Variants in NPHP3 observed in about 807,000 individuals in gnomAD.
The protein encoded by NPHP3 is nephrocystin 3.
In NPHP3, 123 loss-of-function variants were observed where a neutral mutation model predicts 171.9. That is an observed-to-expected ratio of 0.72 (90% CI 0.62 to 0.83). The LOEUF (loss-of-function observed/expected upper bound fraction) is 0.83. Ranked by LOEUF, NPHP3 falls within the 40% of genes least tolerant of loss-of-function variation. The pLI is 0.00. For synonymous variants in NPHP3, 558 were observed against 579.2 expected (o/e 0.96, Z 0.52); for missense variants, 1,506 against 1,591.9 (o/e 0.95, Z 0.92).
intron 10 of NPHP3, among the ~76,000 whole-genome samples, chr3:132,700,942 C>G (rs1939590566): frequency 6.6e-6 from 1 of 151,964 alleles, no homozygotes; most frequent in Non-Finnish European, 1.5e-5. Flanking sequence ...TTATATGAAC[C>G]TTAGTCCATA....
intron 17 of NPHP3, among the ~76,000 whole-genome samples, chr3:132,691,884 T>C (rs1310620064): frequency 7.9e-5 from 12 of 152,196 alleles, no homozygotes; most frequent in Admixed American, 7.2e-4. Context: ...CAAGTTTAGA[T>C]AGGCATTAAT....
At position 132,719,128 on chromosome 3, in the gene NPHP3, T is replaced by C; in HGVS notation, c.536A>G (p.Lys179Arg). 2 of 1,611,450 alleles carry C rather than the reference T, an allele frequency of 1.2e-6. No individual in the cohort carries two copies. Among genetic ancestry groups the C allele is most frequent in the Non-Finnish European group, 1.7e-6 (2 of 1,178,950 alleles). ...KRQFKIFRET[K>R]ENEIQDLLRA... ...CAGTAAGTCCTGAATTTCATTTTCT[T>C]TGGTCTCCCTAAAAATCTTTAAAAA... Residue 179 changes from lysine to arginine, a missense_variant, in exon 3 of 27, where the codon AAA becomes AGA. Lys to Arg is a conservative substitution (Grantham distance 26). This residue lies in a region of NPHP3 where 930 missense variants were observed against 924.9 expected (regional missense o/e 1.01). Coordinates refer to ENST00000337331, the MANE Select transcript of NPHP3 (RefSeq NM_153240.5).
At position 132,719,850 on chromosome 3, in the gene NPHP3, T is replaced by C. The variant is rs1300168539; in HGVS notation, c.394-20A>G. 11 of 1,543,366 alleles carry C rather than the reference T, an allele frequency of 7.1e-6. No homozygotes were observed. The highest frequency in any genetic ancestry group is 1.4e-5 in the African/African-American group (1 of 73,666). On this transcript the variant is annotated intron_variant, in intron 1 of 26. Coordinates refer to ENST00000337331, the MANE Select transcript of NPHP3 (RefSeq NM_153240.5). ...AAGTGCCTAGAATAATTTACCTTGT[T>C]ATTTCCTAACAAAAATAGTCTTGCT...
intron 9 of NPHP3, among the ~76,000 whole-genome samples, chr3:132,703,157 G>A (rs148309729): frequency 1.3e-5 from 2 of 152,334 alleles, no homozygotes; most frequent in East Asian, 3.9e-4. Flanking sequence ...TACCTATGAG[G>A]TAGGTACTAT....
chr3:132,681,014 A>G lies in NPHP3; in HGVS notation c.*896T>C, dbSNP rs988363953. 6.6e-6 allele frequency: 1 copy of G among 152,230 alleles called. No homozygotes were observed. Among genetic ancestry groups the G allele is most frequent in the African/African-American group, 2.4e-5 (1 of 41,470 alleles). 9.4% of individuals were successfully genotyped at this position (152,230 alleles called of 1,614,324 possible). A position where few individuals can be genotyped will look rare whatever the true frequency, so the allele number is the denominator to read the frequency against. On this transcript the variant is annotated 3_prime_UTR_variant, in exon 27 of 27. Coordinates refer to ENST00000337331, the MANE Select transcript of NPHP3 (RefSeq NM_153240.5). The stretch of plus-strand genomic sequence containing the variant: ...AAATAATACACAATGTAGACAGAAC[A>G]GAAAGCAGAGGGACTGGACCAATCT...
rs759490137 is a variant in NPHP3 at position 132,713,266 on chromosome 3, C to T, written c.978G>A (p.Lys326=). 8 of 1,601,640 alleles carry T rather than the reference C, an allele frequency of 5.0e-6. No individual in the cohort carries two copies. The change falls in exon 6 of 27, where the codon AAG becomes AAA. Residue 326 remains lysine (K), a synonymous_variant. Transcript: ENST00000337331. The stretch of plus-strand genomic sequence containing the variant: ...AATATCCCATTGTCTCGCACATTCT[C>T]TTAAGTTTAGGTGAATAGTCCTAAA... ...LFLKDYSPKL[K]RMCETMGYFF...
intron 6 of NPHP3, among the ~76,000 whole-genome samples, chr3:132,711,746 A>C (rs1165094123): frequency 6.6e-6 from 1 of 152,224 alleles, no homozygotes; most frequent in African/African-American, 2.4e-5. Context: ...ATAAGATAAG[A>C]TATATCCTTA....
intron 1 of NPHP3, chr3:132,721,482 T>C: frequency 5.1e-6 from 1 of 196,010 alleles, no homozygotes; most frequent in Non-Finnish European, 1.1e-5. Context: ...GGGAGGGGGG[T>C]GAAACTCCTA....
intron 6 of NPHP3, among the ~76,000 whole-genome samples, chr3:132,710,669 G>A (rs929238217): frequency 1.3e-5 from 2 of 151,974 alleles, no homozygotes; most frequent in East Asian, 3.9e-4. Flanking sequence ...AGCCTCTCCC[G>A]GACTCACCCT....
intron 7 of NPHP3, among the ~76,000 whole-genome samples, chr3:132,706,895 T>C (rs888394708): frequency 2.6e-5 from 4 of 152,212 alleles, no homozygotes; most frequent in Non-Finnish European, 5.9e-5. Flanking sequence ...CTGGAAATTA[T>C]AATAAAAATG....
At chr3:132,704,089 G>T in intron 9 of NPHP3, 109 bp downstream of exon 9, 1 of 1,100,144 alleles carries the variant, frequency 9.1e-7, no homozygotes, top group South Asian at 1.3e-5. Flanking sequence ...CATGAGATTA[G>T]ACAACTAATA....
intron 1 of NPHP3, among the ~76,000 whole-genome samples, chr3:132,720,680 C>A (rs1366768857): frequency 6.6e-6 from 1 of 152,078 alleles, no homozygotes; most frequent in Non-Finnish European, 1.5e-5. Context: ...ACAACAACAA[C>A]AAAACCTGAC....
Position 132,681,477 on chromosome 3 carries a change from A to T in NPHP3, c.*433T>A, listed in dbSNP as rs146004671. On this transcript the variant is annotated 3_prime_UTR_variant, in exon 27 of 27. Transcript: ENST00000337331. ...GAGACAGGGTTTCACCATGTTGGCC[A>T]GGCTGGTCTCCAACTCCTGGCCTCA... is the stretch of plus-strand genomic sequence containing the variant. 1.5e-4 allele frequency: 29 copies of T among 198,304 alleles called. No homozygotes were observed. In the East Asian group the frequency reaches 3.9e-3, roughly 26 times the overall value. The allele number at this position is 198,304 out of a possible 1,614,324, so 12.3% of individuals were successfully genotyped here.
intron 17 of NPHP3, among the ~76,000 whole-genome samples, chr3:132,692,108 AC>A (rs1939314409): frequency 6.6e-6 from 1 of 152,210 alleles, no homozygotes; most frequent in African/African-American, 2.4e-5. Flanking sequence ...ACAAATACTT[AC>A]AGTTACACAC....
intron 18 of NPHP3, among the ~76,000 whole-genome samples, chr3:132,690,908 G>A (rs1939283630): frequency 1.3e-5 from 2 of 151,730 alleles, no homozygotes; most frequent in African/African-American, 4.8e-5. Context: ...ACACTCAATG[G>A]ACCCGTATAT....
In NPHP3 at chr3:132,691,204, G is replaced by C; in HGVS notation, c.2558C>G (p.Thr853Ser). Residue 853 changes from threonine to serine, a missense_variant, in exon 18 of 27, where the codon ACC becomes AGC. By Grantham distance (58) the Thr-to-Ser change is moderately conservative. Transcript: ENST00000337331. Reference protein sequence around the residue: ...SYRQKLINYFTLQLSQDRVTW... With the variant: ...SYRQKLINYFSLQLSQDRVTW... ...ACATTTACAATACCTTAGCTGCAAG[G>C]TGAAATAGTTGATTAGCTTTTGCCT... is the stretch of plus-strand genomic sequence containing the variant. 1 of 1,612,018 alleles carries C rather than the reference G, an allele frequency of 6.2e-7. No individual in the cohort carries two copies.
In NPHP3 at chr3:132,716,859, G is replaced by T. The variant is rs1940065870; in HGVS notation, c.721C>A (p.Pro241Thr). ...YWTGGALGSE[P>T]SIGSMIQLQQ... The stretch of plus-strand genomic sequence containing the variant: ...AGCTGGATCATGCTTCCTATGGAAG[G>T]TTCACTTCCCAAGGCTCCGCCAGTC... The change falls in exon 4 of 27, where the codon CCT becomes ACT. Residue 241 changes from proline to threonine, a missense_variant. By Grantham distance (38) the Pro-to-Thr change is conservative. Transcript: ENST00000337331. The T allele has an allele frequency of 3.1e-6, 5 of 1,614,086 alleles. No homozygotes were observed. Among genetic ancestry groups the T allele is most frequent in the Non-Finnish European group, 2.5e-6 (3 of 1,179,970 alleles).
chr3:132,708,148 G>T lies in NPHP3; in HGVS notation c.1228C>A (p.Gln410Lys), dbSNP rs762242958. The change falls in exon 7 of 27, where the codon CAA becomes AAA. Residue 410 changes from glutamine to lysine, a missense_variant. Physicochemically the swap from Gln to Lys is moderately conservative, Grantham distance 53. Coordinates refer to ENST00000337331, the MANE Select transcript of NPHP3 (RefSeq NM_153240.5). Reference protein sequence around the residue: ...DGKVSSDSVQQLIDQVSNLNK... With the variant: ...DGKVSSDSVQKLIDQVSNLNK... ...AGATTAGAAACTTGATCAATCAATT[G>T]CTGGACAGAGTCAGAACTGACTTTT... 2 of 1,614,144 alleles carry T rather than the reference G, an allele frequency of 1.2e-6. No homozygotes were observed. The highest frequency in any genetic ancestry group is 2.2e-5 in the East Asian group (1 of 44,882).
chr3:132,713,677 T>C (rs1392478792), intron 5 of NPHP3, among the ~76,000 whole-genome samples: 1 of 152,142 alleles, frequency 6.6e-6, no homozygotes, highest in Non-Finnish European at 1.5e-5. Flanking sequence ...ACATCCACGA[T>C]GATATATCAG....
Sources: gnomAD v4.1 joint callset for allele counts (sites outside exome capture counted in the v4.1 genomes callset) on GRCh38, gnomAD v4.1.1 for gene constraint, gnomAD v4.1.1 regional missense constraint, MANE v1.5 for transcripts, NCBI Gene and HGNC (gene_info 2026-07-23, HGNC 2026-07-21) for gene names.